The following ZFYVE16 variants were observed in gnomAD, a reference collection of about 807,000 sequenced individuals.
The protein encoded by ZFYVE16 is zinc finger FYVE domain-containing protein 16.
In ZFYVE16, 89 loss-of-function variants were observed where a neutral mutation model predicts 138.1. The observed-to-expected ratio is 0.64, with a 90% CI of 0.54 to 0.77. The LOEUF is 0.77. ZFYVE16 is among the 30% of genes least tolerant of loss of function. ZFYVE16 has a pLI of 0.00. For synonymous variants in ZFYVE16, 596 were observed against 618.3 expected (o/e 0.96, Z 0.53); for missense variants, 1,793 against 1,786.7 (o/e 1.00, Z -0.06).
At chr5:80,407,811 G>A (rs1744815981), upstream of ZFYVE16, among the ~76,000 whole-genome samples, 1 of 152,220 alleles carries the variant, frequency 6.6e-6, no homozygotes, top group South Asian at 2.1e-4. Flanking sequence ...GTCGAGTGGA[G>A]AACCGAGTCC....
At chr5:80,464,701 C>T (rs1580338642) in intron 15 of ZFYVE16, among the ~76,000 whole-genome samples, 1 of 152,118 alleles carries the variant, frequency 6.6e-6, no homozygotes, top group East Asian at 1.9e-4. Flanking sequence ...CTTGGTTACT[C>T]TTGTAAAGTT....
At chr5:80,430,185 A>G (rs1295168761) in intron 2 of ZFYVE16, among the ~76,000 whole-genome samples, 7 of 152,170 alleles carry the variant, frequency 4.6e-5, no homozygotes, top group Non-Finnish European at 2.9e-5. Flanking sequence ...CCACATAGTT[A>G]GAAGTAAAGC....
chr5:80,434,281 AG>A, intron 3 of ZFYVE16, 64 bp downstream of exon 3: 1 of 1,537,046 alleles, frequency 6.5e-7, no homozygotes, highest in Admixed American at 1.7e-5. Context: ...AAGTTATCTC[AG>A]GTATACAGTA....
chr5:80,431,969 T>C (rs923054078), intron 2 of ZFYVE16, among the ~76,000 whole-genome samples: 31 of 152,314 alleles, frequency 2.0e-4, no homozygotes, highest in African/African-American at 7.0e-4. Context: ...TCCATGCTCA[T>C]GGATAGGGAG....
At chr5:80,449,050 T>C (rs1751699569) in intron 8 of ZFYVE16, among the ~76,000 whole-genome samples, 1 of 152,206 alleles carries the variant, frequency 6.6e-6, no homozygotes. Context: ...AGCCATTACA[T>C]GAACCTAGCT....
At position 80,450,426 on chromosome 5, in the gene ZFYVE16, C is replaced by T. The variant is rs1304603472; in HGVS notation, c.3227-5C>T. 2 of 1,612,284 alleles carry T rather than the reference C, an allele frequency of 1.2e-6. No individual in the cohort carries two copies. Among genetic ancestry groups the T allele is most frequent in the East Asian group, 2.2e-5 (1 of 44,730 alleles). On this transcript the variant is annotated splice_polypyrimidine_tract_variant and splice_region_variant and intron_variant, in intron 9 of 18. Transcript: ENST00000505560. ...ATTAATAGTTATATTCTTTTATCAT[C>T]TAAGATTCCTCAGACAAATATTGGT...
intron 1 of ZFYVE16, among the ~76,000 whole-genome samples, chr5:80,419,391 A>G (rs373624889): frequency 4.4e-4 from 66 of 150,466 alleles, no homozygotes; most frequent in East Asian, 1.4e-3. Context: ...TCTGGGGTCT[A>G]TTCTGTTTTA....
At chr5:80,431,749 A>T (rs897854722) in intron 2 of ZFYVE16, among the ~76,000 whole-genome samples, 2 of 152,234 alleles carry the variant, frequency 1.3e-5, no homozygotes, top group African/African-American at 4.8e-5. Flanking sequence ...GTCTCAGGAT[A>T]CAAAATCAGT....
At position 80,443,107 on chromosome 5, in the gene ZFYVE16, G is replaced by A. The variant is rs764482269; in HGVS notation, c.2420-16G>A. On this transcript the variant is annotated splice_polypyrimidine_tract_variant and intron_variant, in intron 5 of 18. Transcript: ENST00000505560. ...AAACATCTGAGATTTTAACACTATT[G>A]TTTTCCCCTTTATAGCTCAGGCATT... The A allele has an allele frequency of 4.0e-6, 6 of 1,517,558 alleles. No homozygotes were observed. The highest frequency in any genetic ancestry group is 4.4e-6 in the Non-Finnish European group (5 of 1,143,180). 94.0% of individuals were successfully genotyped at this position (1,517,558 alleles called of 1,614,324 possible).
chr5:80,455,147 C>A (rs1429113999), intron 11 of ZFYVE16: 2 of 153,684 alleles, frequency 1.3e-5, no homozygotes, highest in East Asian at 3.8e-4. Context: ...TAGACACACT[C>A]CATTAGGTTG....
At chr5:80,444,685 G>A (rs1751103125) in intron 6 of ZFYVE16, among the ~76,000 whole-genome samples, 1 of 151,728 alleles carries the variant, frequency 6.6e-6, no homozygotes, top group Admixed American at 6.6e-5. Flanking sequence ...AGTAAGAAAT[G>A]TCCTGTGATA....
Position 80,436,750 on chromosome 5 carries a change from T to G in ZFYVE16, c.71-6T>G, listed in dbSNP as rs780881817. 3.8e-6 allele frequency: 6 copies of G among 1,599,326 alleles called. No individual in the cohort carries two copies. Among genetic ancestry groups the G allele is most frequent in the Non-Finnish European group, 5.1e-6 (6 of 1,171,644 alleles). On this transcript the variant is annotated splice_region_variant and splice_polypyrimidine_tract_variant and intron_variant, in intron 3 of 18. Coordinates refer to ENST00000505560, the MANE Select transcript of ZFYVE16 (RefSeq NM_001284236.3). ...TCTCCCGAATAACACTGTTTCTCTATTTCAGATGAACAAGATTATCTCCAA... is the reference window on the plus strand; with the variant it reads ...TCTCCCGAATAACACTGTTTCTCTAGTTCAGATGAACAAGATTATCTCCAA...
At chr5:80,458,432 A>G (rs538118215) in intron 14 of ZFYVE16, among the ~76,000 whole-genome samples, 24 of 152,144 alleles carry the variant, frequency 1.6e-4, no homozygotes, top group Non-Finnish European at 3.1e-4. Context: ...AAACACACAC[A>G]CATATCTACC....
chr5:80,474,555 G>A (rs1221035993), intron 17 of ZFYVE16, 108 bp from the exon 18 acceptor site: 11 of 1,123,970 alleles, frequency 9.8e-6, no homozygotes, highest in Non-Finnish European at 1.4e-5. Context: ...CACAACTAAT[G>A]CTTTTCATGG....
At chr5:80,434,926 A>T (rs917221446) in intron 3 of ZFYVE16, among the ~76,000 whole-genome samples, 3 of 152,124 alleles carry the variant, frequency 2.0e-5, no homozygotes, top group African/African-American at 7.2e-5. Flanking sequence ...CAGTGGCGCC[A>T]TGTCAGCTCA....
intron 1 of ZFYVE16, among the ~76,000 whole-genome samples, chr5:80,422,745 G>A (rs1055192670): frequency 1.3e-5 from 2 of 152,112 alleles, no homozygotes; most frequent in African/African-American, 4.8e-5. Flanking sequence ...GAGCCACTAC[G>A]TCCAGCCTGG....
At chr5:80,434,288 C>T (rs1042050582) in intron 3 of ZFYVE16, 71 bp downstream of exon 3, 87 of 1,481,858 alleles carry the variant, frequency 5.9e-5, no homozygotes, top group Non-Finnish European at 7.6e-5. Context: ...CTCAGGTATA[C>T]AGTAATATTA....
At chr5:80,443,579 G>A (rs1433612798) in intron 6 of ZFYVE16, among the ~76,000 whole-genome samples, 1 of 152,198 alleles carries the variant, frequency 6.6e-6, no homozygotes, top group African/African-American at 2.4e-5. Flanking sequence ...GATCTCAGAT[G>A]TGGGAGTCAG....
chr5:80,408,546 T>C (rs960348388), intron 1 of ZFYVE16, among the ~76,000 whole-genome samples: 7 of 152,336 alleles, frequency 4.6e-5, no homozygotes, highest in Non-Finnish European at 8.8e-5. Flanking sequence ...GAGGGGACTG[T>C]GGTTCTTCAG....
Sources: gnomAD v4.1 joint callset for allele counts (sites outside exome capture counted in the v4.1 genomes callset) on GRCh38, gnomAD v4.1.1 for gene constraint, MANE v1.5 for transcripts, NCBI Gene and HGNC (gene_info 2026-07-23, HGNC 2026-07-21) for gene names.